AMPH: variants seen among roughly 807,000 people sequenced by gnomAD.
The protein encoded by AMPH is amphiphysin (Stiff-Mann syndrome with breast cancer 128kD autoantigen).
A neutral mutation model predicts 99.1 loss-of-function variants in AMPH; 49 were observed. That is an observed-to-expected ratio of 0.49 (90% CI 0.39 to 0.63). AMPH has a LOEUF of 0.63. Among genes scored for constraint, AMPH ranks in the 20% least tolerant of loss-of-function variants. The pLI is 0.00. For missense variants in AMPH, 759 were observed against 863.4 expected (o/e 0.88, Z 1.52); for synonymous variants, 314 against 317.3 (o/e 0.99, Z 0.11).
intron 2 of AMPH, among the ~76,000 whole-genome samples, chr7:38,530,631 G>GT (rs1468178261): frequency 6.6e-6 from 1 of 152,150 alleles, no homozygotes; most frequent in Non-Finnish European, 1.5e-5. Context: ...CTTGCCACAG[G>GT]TGCAGCATCT....
intron 1 of AMPH, among the ~76,000 whole-genome samples, chr7:38,559,731 T>C (rs1164008107): frequency 6.6e-6 from 1 of 152,218 alleles, no homozygotes; most frequent in East Asian, 1.9e-4. Flanking sequence ...GTTGGAGTAA[T>C]TGGCCTAATG....
At chr7:38,426,178 G>A (rs1785776509) in intron 15 of AMPH, among the ~76,000 whole-genome samples, 1 of 152,156 alleles carries the variant, frequency 6.6e-6, no homozygotes, top group Admixed American at 6.5e-5. Context: ...TAGAAACTGT[G>A]CATGTCTGAC....
chr7:38,414,829 T>G (rs1314633884), intron 17 of AMPH, among the ~76,000 whole-genome samples: 14 of 152,110 alleles, frequency 9.2e-5, no homozygotes, highest in Non-Finnish European at 4.4e-5. Context: ...CATGCCAGGC[T>G]AATTTTTGTA....
intron 1 of AMPH, among the ~76,000 whole-genome samples, chr7:38,624,369 CTTATTA>C (rs527830430): frequency 3.3e-5 from 5 of 151,314 alleles, no homozygotes; most frequent in African/African-American, 9.8e-5. Context: ...GTCTAACTCC[CTTATTA>C]TTATTATTAG....
chr7:38,590,386 G>A (rs754713689), intron 1 of AMPH, among the ~76,000 whole-genome samples: 7 of 152,130 alleles, frequency 4.6e-5, no homozygotes, highest in East Asian at 1.9e-4. Flanking sequence ...CTGTGATGGC[G>A]GCATTCAGCA....
chr7:38,391,674 T>C, intron 19 of AMPH, 74 bp downstream of exon 19: 1 of 1,499,870 alleles, frequency 6.7e-7, no homozygotes, highest in South Asian at 1.3e-5. Flanking sequence ...AAGTAAAAAC[T>C]GGAAAACCAA....
At chr7:38,553,126 C>A (rs1193643614) in intron 1 of AMPH, among the ~76,000 whole-genome samples, 1 of 152,216 alleles carries the variant, frequency 6.6e-6, no homozygotes, top group Non-Finnish European at 1.5e-5. Context: ...CTGGAGACCT[C>A]TCCTTTATGA....
chr7:38,611,567 C>T (rs1435781677), intron 1 of AMPH, among the ~76,000 whole-genome samples: 1 of 152,226 alleles, frequency 6.6e-6, no homozygotes, highest in Non-Finnish European at 1.5e-5. Flanking sequence ...TTCACCTCTA[C>T]ATACAGCCTT....
intron 2 of AMPH, among the ~76,000 whole-genome samples, chr7:38,514,383 A>G (rs1482879205): frequency 6.6e-6 from 1 of 152,254 alleles, no homozygotes; most frequent in Non-Finnish European, 1.5e-5. Flanking sequence ...GAAACACTTT[A>G]AAATTTGGAA....
At chr7:38,465,120 T>C (rs184615826) in intron 9 of AMPH, among the ~76,000 whole-genome samples, 2 of 152,330 alleles carry the variant, frequency 1.3e-5, no homozygotes, top group East Asian at 1.9e-4. Context: ...TGGGAATTCC[T>C]TTCTTCTCCG....
At chr7:38,475,439 G>C (rs1282979697) in intron 6 of AMPH, 23 bp from the exon 7 acceptor site, 1 of 1,535,278 alleles carries the variant, frequency 6.5e-7, no homozygotes, top group Non-Finnish European at 9.0e-7. Context: ...CATAACATGT[G>C]TTTACACTAA....
intron 1 of AMPH, among the ~76,000 whole-genome samples, chr7:38,573,537 A>G (rs746331413): frequency 6.6e-6 from 1 of 152,212 alleles, no homozygotes; most frequent in Non-Finnish European, 1.5e-5. Flanking sequence ...GACATGTTGT[A>G]ACTATTGTGT....
chr7:38,523,332 A>G (rs1790046243), intron 2 of AMPH, among the ~76,000 whole-genome samples: 1 of 152,230 alleles, frequency 6.6e-6, no homozygotes, highest in East Asian at 1.9e-4. Flanking sequence ...CCTAGAACCC[A>G]GATCTTGGTT....
chr7:38,465,375 G>A, intron 9 of AMPH, 92 bp downstream of exon 9: 1 of 1,110,526 alleles, frequency 9.0e-7, no homozygotes, highest in Non-Finnish European at 1.3e-6. Context: ...TGGGACTTTT[G>A]TAGGATAAAT....
chr7:38,495,294 A>T (rs1788888578), intron 3 of AMPH, among the ~76,000 whole-genome samples: 1 of 152,208 alleles, frequency 6.6e-6, no homozygotes, highest in South Asian at 2.1e-4. Context: ...TCTAATATTG[A>T]ACATTGAAAT....
chr7:38,613,671 A>C (rs1340148428), intron 1 of AMPH, among the ~76,000 whole-genome samples: 1 of 152,198 alleles, frequency 6.6e-6, no homozygotes, highest in Non-Finnish European at 1.5e-5. Flanking sequence ...AATTTTTACA[A>C]GTGAAAGTAT....
At chr7:38,559,723 T>A (rs544194966) in intron 1 of AMPH, among the ~76,000 whole-genome samples, 34 of 152,308 alleles carry the variant, frequency 2.2e-4, no homozygotes, top group Non-Finnish European at 4.1e-4. Context: ...GCTTATAGGT[T>A]GGAGTAATTG....
rs201116198 is a variant in AMPH, at chr7:38,461,272, C to A, written c.1017+11G>T. 2.5e-6 allele frequency: 4 copies of A among 1,613,446 alleles called. No individual in the cohort carries two copies. Among genetic ancestry groups the A allele is most frequent in the Admixed American group, 1.7e-5 (1 of 60,006 alleles). ...TTTCATGGACATACCAGCCCTGAACCAGGCACTTACCTGGGAAGGTGTTGT... is the reference window on the plus strand; with the variant it reads ...TTTCATGGACATACCAGCCCTGAACAAGGCACTTACCTGGGAAGGTGTTGT... On this transcript the variant is annotated intron_variant, in intron 11 of 20. Transcript: ENST00000356264.
intron 5 of AMPH, among the ~76,000 whole-genome samples, chr7:38,484,036 C>G (rs1392238147): frequency 6.6e-6 from 1 of 151,900 alleles, no homozygotes; most frequent in Non-Finnish European, 1.5e-5. Context: ...GATCAATAAA[C>G]TCAGACAGGT....
Sources: allele counts gnomAD v4.1 joint callset (sites outside exome capture counted in the v4.1 genomes callset), GRCh38; gene constraint gnomAD v4.1.1; transcripts MANE v1.5; gene names NCBI Gene and HGNC (gene_info 2026-07-23, HGNC 2026-07-21).